The following ADK variants were observed in gnomAD, a reference collection of about 807,000 sequenced individuals.
The protein encoded by ADK is adenosine kinase.
In ADK, 24 loss-of-function variants were observed where a neutral mutation model predicts 44.7. That is an observed-to-expected ratio of 0.54 (90% CI 0.39 to 0.76). ADK has a LOEUF of 0.76. Ranked by LOEUF, ADK falls within the 30% of genes least tolerant of loss-of-function variation. The pLI is 0.00. For missense variants in ADK, 321 were observed against 425.1 expected (o/e 0.76, Z 2.15); for synonymous variants, 128 against 142.6 (o/e 0.90, Z 0.73).
At chr10:74,588,291 T>G (rs1163153714) in intron 7 of ADK, among the ~76,000 whole-genome samples, 7 of 152,188 alleles carry the variant, frequency 4.6e-5, no homozygotes, top group Admixed American at 4.6e-4. Flanking sequence ...AATTTTCATT[T>G]CAGATTCAAA....
chr10:74,295,077 G>A (rs1280090526), intron 3 of ADK, among the ~76,000 whole-genome samples: 3 of 151,816 alleles, frequency 2.0e-5, no homozygotes, highest in Admixed American at 1.3e-4. Flanking sequence ...TGCTGGTCTC[G>A]AACTCCTGAA....
intron 6 of ADK, chr10:74,506,190 A>G (rs1173536794): frequency 6.4e-6 from 1 of 156,722 alleles, no homozygotes; most frequent in Admixed American, 6.5e-5. Flanking sequence ...GATATTTTAC[A>G]GAAACTTCAA....
intron 3 of ADK, among the ~76,000 whole-genome samples, chr10:74,232,559 CCA>C (rs1491130921): frequency 1.3e-3 from 181 of 135,512 alleles, no homozygotes; most frequent in African/African-American, 4.8e-3. Flanking sequence ...CCCCCCCCCC[CCA>C]AAAAAAAACA....
intron 1 of ADK, among the ~76,000 whole-genome samples, chr10:74,183,679 T>A (rs1842641692): frequency 6.6e-6 from 1 of 151,466 alleles, no homozygotes; most frequent in African/African-American, 2.4e-5. Context: ...CCTGGCTGAT[T>A]TTGCATTTTT....
At chr10:74,311,398 T>C (rs952290329) in intron 3 of ADK, among the ~76,000 whole-genome samples, 1 of 152,218 alleles carries the variant, frequency 6.6e-6, no homozygotes, top group African/African-American at 2.4e-5. Flanking sequence ...GGAAATTGAC[T>C]AATTCTGCTA....
At chr10:74,416,939 C>T (rs956149645) in intron 6 of ADK, among the ~76,000 whole-genome samples, 3 of 151,880 alleles carry the variant, frequency 2.0e-5, no homozygotes, top group African/African-American at 7.2e-5. Context: ...ATATTTTTCA[C>T]AGGTATGTTG....
chr10:74,307,834 A>G (rs1436236518), intron 3 of ADK, among the ~76,000 whole-genome samples: 1 of 152,184 alleles, frequency 6.6e-6, no homozygotes, highest in African/African-American at 2.4e-5. Context: ...GGTGGAGTGT[A>G]TAATTTGTGT....
At chr10:74,705,686 CAT>C (rs915340384) in intron 10 of ADK, among the ~76,000 whole-genome samples, 11 of 152,314 alleles carry the variant, frequency 7.2e-5, no homozygotes, top group African/African-American at 2.4e-4. Context: ...ATGATATGCA[CAT>C]GTTTAGCTTT....
At chr10:74,574,021 C>T (rs886281592) in intron 7 of ADK, among the ~76,000 whole-genome samples, 15 of 152,182 alleles carry the variant, frequency 9.9e-5, no homozygotes, top group Non-Finnish European at 1.9e-4. Flanking sequence ...CACTGTCCTG[C>T]GCCCACTGTC....
At chr10:74,251,105 T>C (rs1269115784) in intron 3 of ADK, among the ~76,000 whole-genome samples, 5 of 152,198 alleles carry the variant, frequency 3.3e-5, no homozygotes, top group Admixed American at 2.6e-4. Context: ...GAAAAAGATT[T>C]TGAAGTTTTG....
chr10:74,683,402 TACA>T (rs1202736050), intron 10 of ADK, among the ~76,000 whole-genome samples: 4 of 152,228 alleles, frequency 2.6e-5, no homozygotes, highest in South Asian at 4.1e-4. Flanking sequence ...ATTTTGAATG[TACA>T]ACATCAGTCT....
At chr10:74,386,747 A>G (rs1337116733) in intron 4 of ADK, among the ~76,000 whole-genome samples, 1 of 151,860 alleles carries the variant, frequency 6.6e-6, no homozygotes, top group Non-Finnish European at 1.5e-5. Context: ...TTGTCGGTAT[A>G]CTCCTAATAG....
chr10:74,301,680 A>G (rs1052420476), intron 3 of ADK, among the ~76,000 whole-genome samples: 2 of 152,054 alleles, frequency 1.3e-5, no homozygotes, highest in Admixed American at 6.6e-5. Flanking sequence ...ATAAGTACCT[A>G]GATAATGTCC....
chr10:74,405,310 C>G (rs1283458497), intron 6 of ADK, among the ~76,000 whole-genome samples: 1 of 151,714 alleles, frequency 6.6e-6, no homozygotes, highest in African/African-American at 2.4e-5. Flanking sequence ...AGGTGAGTAG[C>G]AGGCCACCAA....
At chr10:74,306,088 A>G (rs1173255961) in intron 3 of ADK, among the ~76,000 whole-genome samples, 2 of 151,738 alleles carry the variant, frequency 1.3e-5, no homozygotes, top group African/African-American at 4.8e-5. Context: ...TTACTCATGC[A>G]CAAATTTAGA....
rs149740732 is a variant in ADK at position 74,683,426 on chromosome 10, A to C, written c.964+13157A>C. Among the ~76,000 whole-genome samples, 75 of 152,336 alleles carry C rather than the reference A, an allele frequency of 4.9e-4. 2 individuals are homozygous for C. In the East Asian group the frequency reaches 0.014, roughly 28 times the overall value. ...GTACAACATCAGTCTTACAGATATT[A>C]TATCCAGGGTGAACATTGCATTGAA... On this transcript the variant is annotated intron_variant, in intron 10 of 10. Transcript: ENST00000539909.
chr10:74,694,172 A>G (rs961454294), intron 10 of ADK, among the ~76,000 whole-genome samples: 21 of 20,830 alleles, frequency 1.0e-3, no homozygotes, highest in African/African-American at 3.8e-3. Flanking sequence ...TTTTTTTTTT[A>G]CTATTTTGAC....
At chr10:74,529,591 G>A (rs891937306) in intron 7 of ADK, among the ~76,000 whole-genome samples, 4 of 152,084 alleles carry the variant, frequency 2.6e-5, no homozygotes, top group African/African-American at 9.7e-5. Flanking sequence ...TCACAGCTTA[G>A]CATAGATTAT....
intron 7 of ADK, among the ~76,000 whole-genome samples, chr10:74,552,765 C>T (rs1850080062): frequency 6.6e-6 from 1 of 151,818 alleles, no homozygotes; most frequent in South Asian, 2.1e-4. Context: ...AAAAATTGGG[C>T]AAAAGACTTG....
Sources: gnomAD v4.1 joint callset for allele counts (sites outside exome capture counted in the v4.1 genomes callset) on GRCh38, gnomAD v4.1.1 for gene constraint, MANE v1.5 for transcripts, NCBI Gene and HGNC (gene_info 2026-07-23, HGNC 2026-07-21) for gene names.